SFXN1: variants seen among roughly 807,000 people sequenced by gnomAD.
The protein encoded by SFXN1 is sideroflexin 1.
Under a neutral mutation model 39.5 loss-of-function variants are expected in SFXN1, and 32 were observed. That is an observed-to-expected ratio of 0.81 (90% CI 0.61 to 1.09). The LOEUF (loss-of-function observed/expected upper bound fraction) is 1.09. Among genes scored for constraint, SFXN1 ranks in the 50% least tolerant of loss-of-function variants. The pLI, the probability that SFXN1 is intolerant of heterozygous loss-of-function variation, is 0.00. For missense variants in SFXN1, 402 were observed against 407.1 expected, an observed-to-expected ratio of 0.99 and a Z score of 0.11; for synonymous variants, 136 against 146.5, an observed-to-expected ratio of 0.93 and a Z score of 0.52.
chr5:175,514,285 A>G (rs1760642419), intron 7 of SFXN1, among the ~76,000 whole-genome samples: 1 of 152,160 alleles, frequency 6.6e-6, no homozygotes, highest in African/African-American at 2.4e-5. Context: ...TAGAGCAGCT[A>G]CTGATAAAAT....
At chr5:175,495,737 A>AG (rs1202836561) in intron 2 of SFXN1, among the ~76,000 whole-genome samples, 1 of 151,808 alleles carries the variant, frequency 6.6e-6, no homozygotes, top group Non-Finnish European at 1.5e-5. Flanking sequence ...TCAAAAAAAA[A>AG]AAAGGGTTAA....
chr5:175,499,812 CT>C (rs923495116), intron 2 of SFXN1, among the ~76,000 whole-genome samples: 1 of 151,562 alleles, frequency 6.6e-6, no homozygotes, highest in Admixed American at 6.6e-5. Flanking sequence ...AAAATTTAAA[CT>C]TTTTTTTTCA....
chr5:175,484,732 C>G (rs1399247274), intron 1 of SFXN1, among the ~76,000 whole-genome samples: 3 of 152,222 alleles, frequency 2.0e-5, no homozygotes, highest in South Asian at 2.1e-4. Context: ...TTGCTAGACC[C>G]CATTGATTTT....
chr5:175,520,698 A>G lies in SFXN1; in HGVS notation c.775-1221A>G, dbSNP rs1760852707. The stretch of plus-strand genomic sequence containing the variant: ...TGAGGAGGCTGCTCTCACAGGGTCA[A>G]GAGCACAGGCTCTCGCTAAGTACTA... On this transcript the variant is annotated intron_variant, in intron 8 of 10. Transcript: ENST00000321442. Among the ~76,000 whole-genome samples the G allele has an allele frequency of 7.2e-5, 11 of 152,190 alleles. No homozygotes were observed. In the South Asian group the frequency reaches 2.3e-3, roughly 32 times the overall value.
At chr5:175,524,118 AAAAAAAAATATATATAT>A (rs1760969509) in intron 10 of SFXN1, 3 of 66,592 alleles carry the variant, frequency 4.5e-5, no homozygotes, top group East Asian at 7.0e-4. Flanking sequence ...AAAAAAAAAA[AAAAAAAAATATATATAT>A]ATATATATAT....
At chr5:175,479,018 G>A (rs1426430097) in intron 1 of SFXN1, among the ~76,000 whole-genome samples, 1 of 152,202 alleles carries the variant, frequency 6.6e-6, no homozygotes, top group Non-Finnish European at 1.5e-5. Flanking sequence ...CGGGGGCAGC[G>A]GCAGCCAGGT....
At chr5:175,491,947 G>C (rs147155455) in intron 1 of SFXN1, 148 bp from the exon 2 acceptor site, 168 of 488,416 alleles carry the variant, frequency 3.4e-4, no homozygotes, top group African/African-American at 3.2e-3. Flanking sequence ...GAATTTAGAT[G>C]GCCTTTTTGC....
At chr5:175,505,568 A>AATAATAATAATAATAATAATT (rs1158337207) in intron 2 of SFXN1, among the ~76,000 whole-genome samples, 3 of 132,022 alleles carry the variant, frequency 2.3e-5, no homozygotes, top group African/African-American at 3.2e-5. Context: ...TAATAATAAT[A>AATAATAATAATAATAATAATT]ATAATTCTAA....
chr5:175,524,876 T>C (rs1761012536), intron 10 of SFXN1, among the ~76,000 whole-genome samples: 1 of 152,060 alleles, frequency 6.6e-6, no homozygotes, highest in Non-Finnish European at 1.5e-5. Flanking sequence ...AATACCAACA[T>C]TATACCAACA....
At chr5:175,517,499 AGCCT>A (rs1760746451) in intron 8 of SFXN1, among the ~76,000 whole-genome samples, 1 of 152,032 alleles carries the variant, frequency 6.6e-6, no homozygotes, top group East Asian at 1.9e-4. Context: ...GCTACAAGGG[AGCCT>A]GGTTGTAGGT....
At chr5:175,494,763 AAAG>A (rs1396356821) in intron 2 of SFXN1, among the ~76,000 whole-genome samples, 1 of 152,134 alleles carries the variant, frequency 6.6e-6, no homozygotes, top group East Asian at 1.9e-4. Flanking sequence ...AAAAAAAAAA[AAAG>A]AAAAAATATG....
chr5:175,485,417 C>G (rs1194003064), intron 1 of SFXN1, among the ~76,000 whole-genome samples: 1 of 152,166 alleles, frequency 6.6e-6, no homozygotes. Context: ...GGCTGCAGCT[C>G]ACAGCCCAGC....
At chr5:175,483,324 G>T (rs1333634317) in intron 1 of SFXN1, among the ~76,000 whole-genome samples, 1 of 152,060 alleles carries the variant, frequency 6.6e-6, no homozygotes, top group Non-Finnish European at 1.5e-5. Flanking sequence ...AGCATAAGTG[G>T]CATCAGCCAA....
At chr5:175,515,081 T>C (rs1044219134) in intron 7 of SFXN1, among the ~76,000 whole-genome samples, 2 of 152,158 alleles carry the variant, frequency 1.3e-5, no homozygotes, top group African/African-American at 4.8e-5. Flanking sequence ...GTTGCTGTGA[T>C]CATGGCTCAC....
rs1031399682 is a variant in SFXN1, at chr5:175,527,048, G to A, written c.*314G>A. ...AAAAGCACTGGTAGGCATAGAATAG[G>A]TGCTCAGTATATGGTCAGTAAATGT... On this transcript the variant is annotated 3_prime_UTR_variant, in exon 11 of 11. Transcript: ENST00000321442. 8.9e-6 allele frequency: 3 copies of A among 335,702 alleles called. No homozygotes were observed. Among genetic ancestry groups the A allele is most frequent in the Non-Finnish European group, 1.6e-5 (3 of 182,716 alleles). 20.8% of individuals were successfully genotyped at this position (335,702 alleles called of 1,614,324 possible).
chr5:175,487,030 A>G (rs1027256168), intron 1 of SFXN1, among the ~76,000 whole-genome samples: 8 of 152,152 alleles, frequency 5.3e-5, no homozygotes, highest in Admixed American at 2.6e-4. Flanking sequence ...AGAAAAACCC[A>G]TATCAGATCT....
At chr5:175,508,857 T>G (rs2652189) in intron 2 of SFXN1, among the ~76,000 whole-genome samples, 175 bp from the exon 3 acceptor site, 33,788 of 151,232 alleles carry the variant, frequency 0.22, 4,746 homozygotes, top group African/African-American at 0.4. Flanking sequence ...GGATGATCTC[T>G]ATCTCTTGAC....
intron 1 of SFXN1, among the ~76,000 whole-genome samples, chr5:175,490,398 T>A (rs887377040): frequency 2.0e-5 from 3 of 152,202 alleles, no homozygotes; most frequent in Non-Finnish European, 2.9e-5. Flanking sequence ...CTCACTAGAT[T>A]CCTCACATCT....
At chr5:175,484,717 C>T (rs1395296286) in intron 1 of SFXN1, among the ~76,000 whole-genome samples, 4 of 152,234 alleles carry the variant, frequency 2.6e-5, no homozygotes, top group South Asian at 4.1e-4. Flanking sequence ...TCCGTGTCAG[C>T]GCGCTTGCTA....
Sources: gnomAD v4.1 joint callset for allele counts (sites outside exome capture counted in the v4.1 genomes callset) on GRCh38, gnomAD v4.1.1 for gene constraint, MANE v1.5 for transcripts, NCBI Gene and HGNC (gene_info 2026-07-23, HGNC 2026-07-21) for gene names.